The following KLF12 variants were observed in gnomAD, a reference collection of about 807,000 sequenced individuals.
KLF12 encodes Krueppel-like factor 12.
A neutral mutation model predicts 37.8 loss-of-function variants in KLF12; 9 were observed. That is an observed-to-expected ratio of 0.24 (90% CI 0.14 to 0.42). The LOEUF (loss-of-function observed/expected upper bound fraction) is 0.42, where lower values mean the gene tolerates loss of function less well. KLF12 is among the 10% of genes least tolerant of loss of function. The probability of loss-of-function intolerance (pLI) is 1.00; values close to 1 mark genes in which losing one functional copy is unlikely to be tolerated. For synonymous variants in KLF12, 208 were observed against 202.1 expected (o/e 1.03, Z -0.25); for missense variants, 411 against 516.0 (o/e 0.80, Z 1.97).
the KLF12 span, among the ~76,000 whole-genome samples, chr13:74,274,859 T>A: frequency 6.6e-6 from 1 of 152,200 alleles, no homozygotes; most frequent in African/African-American, 2.4e-5. Flanking sequence ...GTTACAAATA[T>A]ATTTCTCCCA....
chr13:74,019,243 A>T (rs1892779161), intron 1 of KLF12, among the ~76,000 whole-genome samples: 1 of 152,160 alleles, frequency 6.6e-6, no homozygotes, highest in Non-Finnish European at 1.5e-5. Context: ...TGTCTACTGA[A>T]GTTCAAGTTT....
intron 1 of KLF12, among the ~76,000 whole-genome samples, chr13:74,044,838 C>T (rs1593853793): frequency 1.3e-5 from 2 of 151,008 alleles, no homozygotes; most frequent in East Asian, 3.9e-4. Context: ...AAGTGAAACT[C>T]CATCTCAAAA....
upstream of KLF12, among the ~76,000 whole-genome samples, chr13:74,137,574 C>A (rs1009506056): frequency 6.6e-6 from 1 of 152,008 alleles, no homozygotes; most frequent in Non-Finnish European, 1.5e-5. Context: ...ACCCAAACAC[C>A]CTCAAAGCAG....
intron 1 of KLF12, among the ~76,000 whole-genome samples, chr13:74,071,066 A>G (rs1417844305): frequency 6.6e-6 from 1 of 152,246 alleles, no homozygotes; most frequent in Non-Finnish European, 1.5e-5. Flanking sequence ...CATAATGTTA[A>G]CCACCACACC....
chr13:74,126,605 T>C (rs1323279557), intron 1 of KLF12, among the ~76,000 whole-genome samples: 4 of 152,180 alleles, frequency 2.6e-5, no homozygotes, highest in African/African-American at 7.2e-5. Context: ...TCATTTCCCC[T>C]TTTTCCACTT....
chr13:73,924,591 C>T (rs927433479), intron 3 of KLF12, among the ~76,000 whole-genome samples: 2 of 152,084 alleles, frequency 1.3e-5, no homozygotes, highest in Admixed American at 6.6e-5. Flanking sequence ...CCCCTATTCC[C>T]TGAGACATTA....
chr13:73,814,299 T>C (rs1272398077), intron 4 of KLF12, among the ~76,000 whole-genome samples: 2 of 152,212 alleles, frequency 1.3e-5, no homozygotes, highest in Non-Finnish European at 2.9e-5. Context: ...CATAATGACA[T>C]TTGGGTACAT....
At chr13:73,947,078 AAC>A (rs1482294211) in intron 2 of KLF12, among the ~76,000 whole-genome samples, 1 of 152,246 alleles carries the variant, frequency 6.6e-6, no homozygotes, top group Admixed American at 6.5e-5. Flanking sequence ...TCTTAATCAA[AAC>A]ACATTTGCTG....
chr13:73,732,853 C>T (rs1164962427), intron 6 of KLF12, among the ~76,000 whole-genome samples: 2 of 152,126 alleles, frequency 1.3e-5, no homozygotes, highest in African/African-American at 2.4e-5. Context: ...CAAAGCTGAA[C>T]TAGTGATGCT....
chr13:74,192,513 G>T, the KLF12 span, among the ~76,000 whole-genome samples: 3 of 152,278 alleles, frequency 2.0e-5, no homozygotes, highest in South Asian at 4.1e-4. Context: ...TATGATTTAT[G>T]CATATTTATT....
chr13:74,253,526 A>G, the KLF12 span, among the ~76,000 whole-genome samples: 2 of 152,336 alleles, frequency 1.3e-5, no homozygotes, highest in East Asian at 1.9e-4. Flanking sequence ...AGGGAATGTT[A>G]TAAATAAATG....
At chr13:73,983,881 T>C (rs1004165090) in intron 2 of KLF12, among the ~76,000 whole-genome samples, 2 of 152,184 alleles carry the variant, frequency 1.3e-5, no homozygotes, top group South Asian at 4.1e-4. Context: ...TCTTGCAGGT[T>C]CTCAGAGTCG....
chr13:74,153,101 A>G, the KLF12 span, among the ~76,000 whole-genome samples: 1 of 151,576 alleles, frequency 6.6e-6, no homozygotes, highest in South Asian at 2.1e-4. Context: ...TCACATAGTT[A>G]GAAAATTTGG....
rs1036331709 is a variant in KLF12, at chr13:73,803,784, A to T, written c.806+9368T>A. 2.3e-3 allele frequency among the ~76,000 whole-genome samples: 327 copies of T among 142,120 alleles called. 1 individual carries two copies. Among genetic ancestry groups the T allele is most frequent in the African/African-American group, 7.9e-3 (287 of 36,530 alleles). 93.2% of individuals were successfully genotyped at this position (142,120 alleles called of 152,430 possible). A position where few individuals can be genotyped will look rare whatever the true frequency, so the allele number is the denominator to read the frequency against. On this transcript the variant is annotated intron_variant, in intron 5 of 7. Transcript: ENST00000377669. ...ACATACTGCAGAGTCACACACACAC[A>T]CACACACACACACACACACACACAC...
intron 1 of KLF12, among the ~76,000 whole-genome samples, chr13:74,090,933 A>G (rs1212140336): frequency 6.8e-6 from 1 of 147,938 alleles, no homozygotes; most frequent in Non-Finnish European, 1.5e-5. Flanking sequence ...ACTACCTTGA[A>G]AAAAAAAAAA....
At chr13:73,840,483 C>T (rs925745034) in intron 4 of KLF12, among the ~76,000 whole-genome samples, 5 of 152,100 alleles carry the variant, frequency 3.3e-5, no homozygotes, top group Non-Finnish European at 7.4e-5. Flanking sequence ...AAATTTAACA[C>T]GTCCCAAAGG....
chr13:74,274,345 A>G, the KLF12 span, among the ~76,000 whole-genome samples: 2 of 152,178 alleles, frequency 1.3e-5, no homozygotes, highest in African/African-American at 4.8e-5. Context: ...CAACAAGAGA[A>G]AAATATTGCA....
chr13:74,270,961 T>C, the KLF12 span, among the ~76,000 whole-genome samples: 1 of 152,150 alleles, frequency 6.6e-6, no homozygotes, highest in African/African-American at 2.4e-5. Flanking sequence ...CCCAGGCTGG[T>C]ACCGGTTCAT....
intron 3 of KLF12, among the ~76,000 whole-genome samples, chr13:73,855,617 G>A (rs1264573095): frequency 3.3e-5 from 5 of 152,152 alleles, no homozygotes; most frequent in African/African-American, 1.2e-4. Flanking sequence ...TACCAGTAAT[G>A]GGATTGCTGG....
Sources: allele counts gnomAD v4.1 joint callset (sites outside exome capture counted in the v4.1 genomes callset), GRCh38; gene constraint gnomAD v4.1.1; transcripts MANE v1.5; gene names NCBI Gene and HGNC (gene_info 2026-07-23, HGNC 2026-07-21).